The following ARHGEF4 variants were observed in gnomAD, a reference collection of about 807,000 sequenced individuals.
ARHGEF4 encodes Rho guanine nucleotide exchange factor 4.
Under a neutral mutation model 162.0 loss-of-function variants are expected in ARHGEF4, and 119 were observed. The observed-to-expected ratio is 0.73, with a 90% CI of 0.63 to 0.86. The LOEUF (loss-of-function observed/expected upper bound fraction) is 0.86, where lower values mean the gene tolerates loss of function less well. Ranked by LOEUF, ARHGEF4 falls within the 40% of genes least tolerant of loss-of-function variation. The pLI, the probability that ARHGEF4 is intolerant of heterozygous loss-of-function variation, is 0.00. For missense variants in ARHGEF4, 2,488 were observed against 2,456.0 expected (o/e 1.01, Z -0.28); for synonymous variants, 1,014 against 979.9 (o/e 1.03, Z -0.65).
At chr2:131,029,178 C>T (rs1182010085) in intron 5 of ARHGEF4, among the ~76,000 whole-genome samples, 21 of 152,018 alleles carry the variant, frequency 1.4e-4, no homozygotes, top group Non-Finnish European at 5.9e-5. Flanking sequence ...CTGGCCAACA[C>T]TGAAACCCCA....
intron 4 of ARHGEF4, among the ~76,000 whole-genome samples, chr2:130,991,522 C>T (rs571970495): frequency 1.3e-5 from 2 of 152,254 alleles, no homozygotes; most frequent in East Asian, 1.9e-4. Flanking sequence ...GTGGGCTTGG[C>T]GGGCCCGGCA....
intron 5 of ARHGEF4, chr2:131,035,914 G>C (rs1690241454): frequency 1.0e-6 from 1 of 971,594 alleles, no homozygotes; most frequent in Non-Finnish European, 1.2e-6. Context: ...TTGCCCTTCT[G>C]GAGGCTGTCA....
chr2:130,852,993 G>C (rs1252005939), intron 1 of ARHGEF4, among the ~76,000 whole-genome samples: 1 of 152,200 alleles, frequency 6.6e-6, no homozygotes, highest in Admixed American at 6.5e-5. Context: ...GGGCAGCTGG[G>C]AAGAACCTCC....
intron 1 of ARHGEF4, chr2:130,837,353 G>T (rs932630853): frequency 3.6e-5 from 12 of 337,158 alleles, no homozygotes; most frequent in African/African-American, 6.8e-5. Context: ...GCCTGGGCGC[G>T]CAGGGCACTC....
At chr2:130,939,948 G>C (rs547009365) in intron 3 of ARHGEF4, among the ~76,000 whole-genome samples, 1 of 152,182 alleles carries the variant, frequency 6.6e-6, no homozygotes, top group Non-Finnish European at 1.5e-5. Context: ...CTGTGACTCT[G>C]CTGAATTCAT....
At chr2:130,850,293 G>C (rs934233309) in intron 1 of ARHGEF4, among the ~76,000 whole-genome samples, 2 of 152,214 alleles carry the variant, frequency 1.3e-5, no homozygotes, top group Non-Finnish European at 2.9e-5. Context: ...TGCCTGCTGT[G>C]TCCCTGGTAC....
chr2:130,916,745 T>C lies in ARHGEF4; in HGVS notation c.2799T>C (p.Arg933=). 6.4e-7 allele frequency: 1 copy of C among 1,550,628 alleles called. No homozygotes were observed. Among genetic ancestry groups the C allele is most frequent in the South Asian group, 1.2e-5 (1 of 84,052 alleles). The change falls in exon 2 of 14, where the codon CGT becomes CGC. Residue 933 remains arginine (R), a synonymous_variant. Coordinates refer to ENST00000409359, the MANE Select transcript of ARHGEF4 (RefSeq NM_001367493.1). ...TAGAGAAAGAGAACACCCATGAACG[T>C]TCCCCAAGTTCTCCCAAGGGCGAGA... The part of the protein sequence containing the change: ...IVLEKENTHE[R]SPSSPKGEKE...
At chr2:130,989,246 C>T (rs761500937) in intron 4 of ARHGEF4, among the ~76,000 whole-genome samples, 5 of 152,142 alleles carry the variant, frequency 3.3e-5, no homozygotes, top group Admixed American at 6.5e-5. Flanking sequence ...CAGGCGTGAG[C>T]CACCGCACCC....
intron 1 of ARHGEF4, among the ~76,000 whole-genome samples, chr2:130,886,797 AAGT>A (rs1178396422): frequency 6.6e-6 from 1 of 151,852 alleles, no homozygotes; most frequent in Non-Finnish European, 1.5e-5. Flanking sequence ...ATGGTTGTTG[AAGT>A]AGTCACAATT....
chr2:130,944,135 T>A (rs576642152), intron 3 of ARHGEF4, among the ~76,000 whole-genome samples: 1 of 152,336 alleles, frequency 6.6e-6, no homozygotes, highest in East Asian at 1.9e-4. Flanking sequence ...CCATGAAAAA[T>A]CTGCAGTCAT....
intron 4 of ARHGEF4, among the ~76,000 whole-genome samples, chr2:130,999,435 C>T (rs935667867): frequency 1.7e-4 from 26 of 152,138 alleles, no homozygotes; most frequent in Admixed American, 4.6e-4. Context: ...GGATTACAGG[C>T]ATGAGCCACT....
chr2:130,847,628 C>G (rs533056630), intron 1 of ARHGEF4, among the ~76,000 whole-genome samples: 1 of 152,324 alleles, frequency 6.6e-6, no homozygotes, highest in East Asian at 1.9e-4. Flanking sequence ...CACCCCAACG[C>G]TTGGCTCCGA....
intron 1 of ARHGEF4, among the ~76,000 whole-genome samples, chr2:130,864,028 CA>C (rs983581229): frequency 2.8e-5 from 4 of 145,034 alleles, no homozygotes; most frequent in Admixed American, 2.1e-4. Context: ...ACTAAAAATA[CA>C]AAAAAAATTA....
rs1223101809 is a variant in ARHGEF4, at chr2:131,046,406, G to A, written c.*217G>A. On this transcript the variant is annotated 3_prime_UTR_variant, in exon 14 of 14. Coordinates refer to ENST00000409359, the MANE Select transcript of ARHGEF4 (RefSeq NM_001367493.1). ...AGAGACCAGCAAGGGGGCAGACCCC[G>A]CACTCGCCACACCGCCGCTGCAGCT... The A allele has an allele frequency of 1.1e-5, 6 of 566,880 alleles. No individual in the cohort carries two copies. Among genetic ancestry groups the A allele is most frequent in the Admixed American group, 3.2e-5 (1 of 31,474 alleles). The allele number at this position is 566,880 out of a possible 1,614,324, so 35.1% of individuals were successfully genotyped here. A position where few individuals can be genotyped will look rare whatever the true frequency, so the allele number is the denominator to read the frequency against.
At chr2:130,907,100 G>C (rs1305440619) in intron 1 of ARHGEF4, among the ~76,000 whole-genome samples, 1 of 151,876 alleles carries the variant, frequency 6.6e-6, no homozygotes, top group East Asian at 1.9e-4. Context: ...TTTCCAAAAT[G>C]CCGTATAAAT....
At chr2:130,985,662 C>T (rs971499010) in intron 4 of ARHGEF4, among the ~76,000 whole-genome samples, 2 of 152,154 alleles carry the variant, frequency 1.3e-5, no homozygotes, top group Admixed American at 1.3e-4. Flanking sequence ...TTTCAGACTT[C>T]AACAGCAGAA....
intron 4 of ARHGEF4, among the ~76,000 whole-genome samples, chr2:130,965,399 C>T (rs765997718): frequency 2.8e-4 from 42 of 152,268 alleles, no homozygotes; most frequent in South Asian, 2.1e-4. Context: ...CCAAAACACA[C>T]GCATGAAATT....
In ARHGEF4 at chr2:131,045,436, G is replaced by A. The variant is rs1316756929; in HGVS notation, c.5469G>A (p.Gly1823=). The change falls in exon 13 of 14, where the codon GGG becomes GGA. Residue 1823 remains glycine (G), a synonymous_variant. Transcript: ENST00000409359. The stretch of plus-strand genomic sequence containing the variant: ...ATGCCAGCAAGCAGCAGGTCACAGG[G>A]AAGCCCAAAGGTAGGCGGACAGCAG... ...MLNASKQQVT[G]KPKAVGRPCY... 3 of 1,613,632 alleles carry A rather than the reference G, an allele frequency of 1.9e-6. No individual in the cohort carries two copies. Among genetic ancestry groups the A allele is most frequent in the East Asian group, 2.2e-5 (1 of 44,882 alleles).
rs1684682211 is a variant in ARHGEF4 at position 130,962,445 on chromosome 2, C to T, written c.3985+15810C>T. On this transcript the variant is annotated intron_variant, in intron 4 of 13. Coordinates refer to ENST00000409359, the MANE Select transcript of ARHGEF4 (RefSeq NM_001367493.1). Reference sequence around the variant, plus strand: ...TATGGAGCTTCCAGTCTACCTAAGCCTGTGGTGGCCCACTGCCCCAGCCCC... The same window carrying T: ...TATGGAGCTTCCAGTCTACCTAAGCTTGTGGTGGCCCACTGCCCCAGCCCC... Among the ~76,000 whole-genome samples, 3 of 152,148 alleles carry T rather than the reference C, an allele frequency of 2.0e-5. No individual in the cohort carries two copies. In the South Asian group the frequency reaches 6.2e-4, roughly 32 times the overall value.
Sources: gnomAD v4.1 joint callset for allele counts (sites outside exome capture counted in the v4.1 genomes callset) on GRCh38, gnomAD v4.1.1 for gene constraint, MANE v1.5 for transcripts, NCBI Gene and HGNC (gene_info 2026-07-23, HGNC 2026-07-21) for gene names.